Variants in PPP2R2B observed in about 807,000 individuals in gnomAD.
PPP2R2B encodes the protein protein phosphatase 2 regulatory subunit Bbeta, also known as serine/threonine-protein phosphatase 2A 55 kDa regulatory subunit B beta isoform.
A neutral mutation model predicts 46.0 loss-of-function variants in PPP2R2B; 5 were observed. The ratio of observed to expected loss-of-function variants is 0.11; its 90% CI spans 0.06 to 0.23. PPP2R2B has a LOEUF of 0.23. Ranked by LOEUF, PPP2R2B falls within the 10% of genes least tolerant of loss-of-function variation. PPP2R2B has a pLI of 1.00. For synonymous variants in PPP2R2B, 215 were observed against 206.7 expected (o/e 1.04, Z -0.34); for missense variants, 367 against 575.0 (o/e 0.64, Z 3.70).
At chr5:146,616,361 C>T (rs1026898116) in intron 7 of PPP2R2B, among the ~76,000 whole-genome samples, 3 of 152,118 alleles carry the variant, frequency 2.0e-5, no homozygotes, top group Admixed American at 6.5e-5. Context: ...CAAGCACAAG[C>T]AACCAAAGCA....
At chr5:146,637,545 C>A (rs1361397232) in intron 7 of PPP2R2B, among the ~76,000 whole-genome samples, 2 of 152,166 alleles carry the variant, frequency 1.3e-5, no homozygotes, top group African/African-American at 4.8e-5. Flanking sequence ...AACCTTTATC[C>A]TTCTGCCTTC....
At chr5:147,080,911 G>GAAAT (rs1757951613) in intron 2 of PPP2R2B, 1 of 693,588 alleles carries the variant, frequency 1.4e-6, no homozygotes, top group Non-Finnish European at 2.4e-6. Context: ...AGGAGAGAAA[G>GAAAT]AAGTTATTAA....
In PPP2R2B at chr5:146,686,643, G is replaced by A. The variant is rs559120272; in HGVS notation, c.447+4485C>T. Among the ~76,000 whole-genome samples the A allele has an allele frequency of 3.9e-5, 6 of 152,236 alleles. No homozygotes were observed. The South Asian group carries it at 1.2e-3, about 32-fold the overall frequency. On this transcript the variant is annotated intron_variant, in intron 5 of 9. Transcript: ENST00000394411. ...ATTCATCACATCACCTTCATTTTGG[G>A]AAGGTTATGACCAGTCACAGCTTGG...
chr5:146,603,432 C>T (rs893925440), intron 7 of PPP2R2B, among the ~76,000 whole-genome samples: 1 of 152,134 alleles, frequency 6.6e-6, no homozygotes, highest in African/African-American at 2.4e-5. Context: ...ATTGGGAAGC[C>T]AGTGCAGCAA....
At chr5:146,804,841 G>C (rs1167631082) in intron 2 of PPP2R2B, among the ~76,000 whole-genome samples, 2 of 152,184 alleles carry the variant, frequency 1.3e-5, no homozygotes, top group African/African-American at 4.8e-5. Context: ...CACACTCCAT[G>C]ATGAGTCCTG....
chr5:146,651,031 A>G (rs1775918470), intron 5 of PPP2R2B, among the ~76,000 whole-genome samples: 1 of 152,118 alleles, frequency 6.6e-6, no homozygotes, highest in African/African-American at 2.4e-5. Flanking sequence ...TTGTGGAGTC[A>G]TTACCTTCCA....
intron 1 of PPP2R2B, among the ~76,000 whole-genome samples, chr5:147,000,218 A>C (rs1754106597): frequency 6.6e-6 from 1 of 152,196 alleles, no homozygotes; most frequent in Non-Finnish European, 1.5e-5. Flanking sequence ...ATTGTTTATC[A>C]TAACTGCTGA....
chr5:146,981,278 G>A (rs1421440736), intron 1 of PPP2R2B, among the ~76,000 whole-genome samples: 1 of 152,112 alleles, frequency 6.6e-6, no homozygotes. Flanking sequence ...TTTAGGGAGA[G>A]TCTTGGGTGG....
At chr5:146,915,799 G>C (rs375493152) in intron 1 of PPP2R2B, among the ~76,000 whole-genome samples, 1 of 152,010 alleles carries the variant, frequency 6.6e-6, no homozygotes, top group Non-Finnish European at 1.5e-5. Context: ...TCTTGTGCTT[G>C]CCTCCTCCTT....
At chr5:146,870,177 G>A (rs1761530648) in intron 2 of PPP2R2B, among the ~76,000 whole-genome samples, 1 of 152,186 alleles carries the variant, frequency 6.6e-6, no homozygotes, top group Non-Finnish European at 1.5e-5. Context: ...ATTCATACCA[G>A]TGTGATAAGC....
chr5:146,893,794 T>C (rs1762560826), intron 1 of PPP2R2B, among the ~76,000 whole-genome samples: 1 of 149,826 alleles, frequency 6.7e-6, no homozygotes, highest in Non-Finnish European at 1.5e-5. Context: ...GACAGGTTGA[T>C]AGGTGCAGCA....
At chr5:146,879,407 G>A (rs991772399), upstream of PPP2R2B, among the ~76,000 whole-genome samples, 1 of 152,142 alleles carries the variant, frequency 6.6e-6, no homozygotes, top group Non-Finnish European at 1.5e-5. Flanking sequence ...GGATCAGTCT[G>A]AAAAAGTCCA....
chr5:146,923,722 T>C (rs184697104), intron 1 of PPP2R2B, among the ~76,000 whole-genome samples: 11 of 152,328 alleles, frequency 7.2e-5, no homozygotes, highest in African/African-American at 2.6e-4. Flanking sequence ...TTACTGGGTA[T>C]ATACCCAAAA....
chr5:146,690,454 G>A lies in PPP2R2B; in HGVS notation c.447+674C>T, dbSNP rs1214780912. The stretch of plus-strand genomic sequence containing the variant: ...ATGCATTTATCTTACTATATTTAGT[G>A]CCATAATCATTTGTATATTAGTCTT... On this transcript the variant is annotated intron_variant, in intron 5 of 9. Coordinates refer to ENST00000394411, the MANE Select transcript of PPP2R2B (RefSeq NM_181675.4). Among the ~76,000 whole-genome samples, 3 of 152,254 alleles carry A rather than the reference G, an allele frequency of 2.0e-5. No homozygotes were observed. The South Asian group carries it at 6.2e-4, about 32-fold the overall frequency.
intron 2 of PPP2R2B, among the ~76,000 whole-genome samples, chr5:146,845,000 T>A (rs1292083851): frequency 7.2e-5 from 11 of 152,172 alleles, no homozygotes; most frequent in Non-Finnish European, 1.5e-4. Flanking sequence ...GTCCATGAGA[T>A]CCCACTTTTG....
At chr5:146,910,212 TAAC>T (rs1763132033) in intron 1 of PPP2R2B, among the ~76,000 whole-genome samples, 2 of 152,204 alleles carry the variant, frequency 1.3e-5, no homozygotes, top group Admixed American at 1.3e-4. Context: ...ACGAGCCTAA[TAAC>T]AAGAAGGTAG....
chr5:147,078,192 A>C (rs1757848770), intron 2 of PPP2R2B, among the ~76,000 whole-genome samples: 1 of 152,244 alleles, frequency 6.6e-6, no homozygotes, highest in Non-Finnish European at 1.5e-5. Context: ...ATGAGGGTCT[A>C]ATTATAATAT....
chr5:146,853,507 T>C (rs888345319), intron 2 of PPP2R2B, among the ~76,000 whole-genome samples: 2 of 152,158 alleles, frequency 1.3e-5, no homozygotes, highest in Admixed American at 1.3e-4. Context: ...AGCAAATTTC[T>C]TAACCTTTCT....
intron 1 of PPP2R2B, among the ~76,000 whole-genome samples, chr5:146,884,444 C>T (rs1483155029): frequency 2.0e-5 from 3 of 152,112 alleles, no homozygotes; most frequent in African/African-American, 7.2e-5. Context: ...GACCTAACAA[C>T]GTAGGAATGT....
Sources: gnomAD v4.1 joint callset for allele counts (sites outside exome capture counted in the v4.1 genomes callset) on GRCh38, gnomAD v4.1.1 for gene constraint, MANE v1.5 for transcripts, NCBI Gene and HGNC (gene_info 2026-07-23, HGNC 2026-07-21) for gene names.